The following RPS6KC1 variants were observed in gnomAD, a reference collection of about 807,000 sequenced individuals.
The protein encoded by RPS6KC1 is inactive ribosomal protein S6 kinase delta-1.
Under a neutral mutation model 103.8 loss-of-function variants are expected in RPS6KC1, and 54 were observed. The observed-to-expected ratio is 0.52, with a 90% CI of 0.42 to 0.65. RPS6KC1 has a LOEUF of 0.65. RPS6KC1 is among the 30% of genes least tolerant of loss of function. The pLI, the probability that RPS6KC1 is intolerant of heterozygous loss-of-function variation, is 0.00. For synonymous variants in RPS6KC1, 439 were observed against 438.7 expected (o/e 1.00, Z -0.01); for missense variants, 1,151 against 1,253.8 (o/e 0.92, Z 1.24).
At chr1:213,546,912 C>T in the RPS6KC1 span, among the ~76,000 whole-genome samples, 3 of 152,316 alleles carry the variant, frequency 2.0e-5, no homozygotes, top group African/African-American at 7.2e-5. Context: ...ATGGCCTTGG[C>T]ATGCACATGT....
the RPS6KC1 span, among the ~76,000 whole-genome samples, chr1:213,290,884 T>C: frequency 6.6e-6 from 1 of 152,180 alleles, no homozygotes; most frequent in African/African-American, 2.4e-5. Context: ...GCAGCGTAGA[T>C]GATTCAAAGA....
chr1:213,599,817 C>T, the RPS6KC1 span, among the ~76,000 whole-genome samples: 2 of 152,210 alleles, frequency 1.3e-5, no homozygotes, highest in Non-Finnish European at 2.9e-5. Context: ...CTCATTGTCT[C>T]CTCTTCACAG....
At chr1:213,448,768 CA>C in the RPS6KC1 span, among the ~76,000 whole-genome samples, 66,872 of 131,706 alleles carry the variant, frequency 0.51, 15,576 homozygotes, top group East Asian at 0.59. Context: ...CAATCTGTTA[CA>C]AAAAAAAAAA....
the RPS6KC1 span, among the ~76,000 whole-genome samples, chr1:213,776,208 T>C: frequency 6.6e-6 from 1 of 152,250 alleles, no homozygotes; most frequent in African/African-American, 2.4e-5. Flanking sequence ...GTGTTCTTAA[T>C]GGCATCTAAA....
At chr1:213,840,575 G>A in the RPS6KC1 span, 1 of 152,180 alleles carries the variant, frequency 6.6e-6, no homozygotes, top group African/African-American at 2.4e-5. Context: ...CCTCTGTAAG[G>A]CTGAGAGAAG....
Position 213,266,087 on chromosome 1 carries a change from GTTA to G in RPS6KC1, c.3090+3280_3090+3282del, listed in dbSNP as rs1215387778. On this transcript the variant is annotated intron_variant, in intron 14 of 14. Coordinates refer to ENST00000366960, the MANE Select transcript of RPS6KC1 (RefSeq NM_012424.6). ...TGTGATAAGTGTCGTGTATATCTTT[GTTA>G]TTATTATTGATAGGACAGTGACGAA... 2.0e-5 allele frequency among the ~76,000 whole-genome samples: 3 copies of G among 152,124 alleles called. No individual in the cohort carries two copies. The East Asian group carries it at 5.8e-4, about 29-fold the overall frequency.
At chr1:213,404,845 C>G in the RPS6KC1 span, among the ~76,000 whole-genome samples, 1 of 152,202 alleles carries the variant, frequency 6.6e-6, no homozygotes, top group Admixed American at 6.5e-5. Flanking sequence ...ATGCTGTGTT[C>G]AGTTCACACT....
chr1:213,728,890 G>A, the RPS6KC1 span, among the ~76,000 whole-genome samples: 11 of 147,884 alleles, frequency 7.4e-5, no homozygotes, highest in Middle Eastern at 7.1e-3. Flanking sequence ...AAATTTAATG[G>A]CAGTCAGAAG....
intron 6 of RPS6KC1, among the ~76,000 whole-genome samples, chr1:213,153,595 A>G (rs2089517346): frequency 1.3e-5 from 2 of 152,174 alleles, no homozygotes; most frequent in Non-Finnish European, 2.9e-5. Context: ...CCTACTTAGG[A>G]TAAGAGTAGT....
chr1:213,379,870 CTT>C, the RPS6KC1 span, among the ~76,000 whole-genome samples: 1 of 152,156 alleles, frequency 6.6e-6, no homozygotes, highest in Non-Finnish European at 1.5e-5. Flanking sequence ...CTTTCACACT[CTT>C]GGTGGGAGTG....
chr1:213,224,020 G>A (rs958755312), intron 8 of RPS6KC1, among the ~76,000 whole-genome samples: 2 of 152,082 alleles, frequency 1.3e-5, no homozygotes, highest in African/African-American at 4.8e-5. Flanking sequence ...TCATGAATGG[G>A]GAGACACTGA....
At chr1:213,192,622 G>A (rs181363272) in intron 8 of RPS6KC1, among the ~76,000 whole-genome samples, 15 of 152,140 alleles carry the variant, frequency 9.9e-5, no homozygotes, top group Non-Finnish European at 4.4e-5. Flanking sequence ...TCTCTAGGAG[G>A]TTTGTCAATC....
chr1:213,102,136 G>T (rs1318542112), intron 3 of RPS6KC1, among the ~76,000 whole-genome samples: 1 of 152,136 alleles, frequency 6.6e-6, no homozygotes, highest in Admixed American at 6.5e-5. Context: ...TGTTGGGTTT[G>T]GTTATTTGTG....
chr1:213,833,867 C>T, the RPS6KC1 span, among the ~76,000 whole-genome samples: 1 of 152,110 alleles, frequency 6.6e-6, no homozygotes, highest in African/African-American at 2.4e-5. Context: ...CTCATTTACA[C>T]CATATTTGTT....
the RPS6KC1 span, among the ~76,000 whole-genome samples, chr1:213,410,320 C>T: frequency 6.6e-6 from 1 of 151,990 alleles, no homozygotes; most frequent in African/African-American, 2.4e-5. Flanking sequence ...GTGGAAGGGT[C>T]TGCCTCAGAT....
At chr1:213,359,474 G>T in the RPS6KC1 span, among the ~76,000 whole-genome samples, 1 of 152,166 alleles carries the variant, frequency 6.6e-6, no homozygotes. Context: ...TGGGTCTCTT[G>T]AATATAGCAC....
the RPS6KC1 span, among the ~76,000 whole-genome samples, chr1:213,697,428 A>G: frequency 1.6e-3 from 248 of 152,370 alleles, 1 homozygote; most frequent in African/African-American, 5.4e-3. Flanking sequence ...GTAAGGAACA[A>G]CCGTGCTTTG....
the RPS6KC1 span, among the ~76,000 whole-genome samples, chr1:213,856,465 T>TTCCCTCCC: frequency 1.4e-5 from 2 of 145,924 alleles, no homozygotes; most frequent in African/African-American, 5.2e-5. Context: ...CCTTCCTTCC[T>TTCCCTCCC]TCCCTCCCTC....
the RPS6KC1 span, among the ~76,000 whole-genome samples, chr1:213,554,047 GTT>G: frequency 2.0e-5 from 3 of 152,072 alleles, no homozygotes; most frequent in Admixed American, 2.0e-4. Flanking sequence ...ACCTGTTAAT[GTT>G]TGTTTTTGGT....
Sources: allele counts gnomAD v4.1 joint callset (sites outside exome capture counted in the v4.1 genomes callset), GRCh38; gene constraint gnomAD v4.1.1; transcripts MANE v1.5; gene names NCBI Gene and HGNC (gene_info 2026-07-23, HGNC 2026-07-21).